Variants in KCNJ18 observed in about 807,000 individuals in gnomAD.
KCNJ18 encodes the protein inward rectifier potassium channel 18.
KCNJ18 carries 16 observed loss-of-function variants against 17.3 expected under a neutral mutation model. That is an observed-to-expected ratio of 0.92 (90% confidence interval 0.62 to 1.40). The LOEUF is 1.40. KCNJ18 is among the 40% of genes most tolerant of loss of function. The pLI, the probability that KCNJ18 is intolerant of heterozygous loss-of-function variation, is 0.00. For missense variants in KCNJ18, 462 were observed against 626.8 expected (o/e 0.74, Z 2.81); for synonymous variants, 185 against 262.6 (o/e 0.70, Z 2.86).
At chr17:21,695,645 C>A (rs1464828807) in intron 1 of KCNJ18, among the ~76,000 whole-genome samples, 8 of 152,298 alleles carry the variant, frequency 5.3e-5, no homozygotes, top group Non-Finnish European at 1.0e-4. Context: ...GGAATAGTAA[C>A]AACAATAGTT....
chr17:21,703,948 G>C lies in KCNJ18; in HGVS notation c.1162G>C (p.Glu388Gln). ...ENELAFLSRD[E>Q]EDEADGDQDG... ...CGAGCTGGCCTTCCTGAGCCGTGAC[G>C]AGGAGGATGAGGCGGACGGAGACCA... is the stretch of plus-strand genomic sequence containing the variant. The change falls in exon 3 of 3, where the codon GAG (glutamate) becomes CAG (glutamine). Residue 388 changes from glutamate to glutamine, a missense_variant. By Grantham distance (29) the Glu-to-Gln change is conservative. Around this residue, in one of 5 missense-constraint regions of KCNJ18, gnomAD observed 123 missense variants for 117.5 expected, o/e 1.05. Coordinates refer to ENST00000567955, the MANE Select transcript of KCNJ18 (RefSeq NM_001194958.2). 1.2e-6 allele frequency: 2 copies of C among 1,609,370 alleles called. No homozygotes were observed. Among genetic ancestry groups the C allele is most frequent in the Non-Finnish European group, 8.5e-7 (1 of 1,179,730 alleles).
At chr17:21,693,460 A>G (rs1418252430) in intron 1 of KCNJ18, among the ~76,000 whole-genome samples, 260 of 152,412 alleles carry the variant, frequency 1.7e-3, no homozygotes, top group Non-Finnish European at 2.9e-3. Flanking sequence ...TGCTGCCCAC[A>G]CTTCTGGCCC....
chr17:21,699,290 G>A (rs1291411736), intron 2 of KCNJ18, among the ~76,000 whole-genome samples: 2 of 152,230 alleles, frequency 1.3e-5, no homozygotes, highest in African/African-American at 4.8e-5. Context: ...CTTAAATTGC[G>A]ACCTTGAAGG....
chr17:21,703,654 A>G lies in KCNJ18; in HGVS notation c.868A>G (p.Thr290Ala). ...LFGISRQDLE[T>A]DDFEIVVILE... The stretch of plus-strand genomic sequence containing the variant: ...CGGCATCAGCCGGCAGGACCTGGAG[A>G]CGGACGACTTTGAGATCGTGGTCAT... The change falls in exon 3 of 3, where the codon ACG becomes GCG. Residue 290 changes from threonine (T) to alanine (A), a missense_variant. Transcript: ENST00000567955. 6.2e-7 allele frequency: 1 copy of G among 1,605,410 alleles called. No homozygotes were observed. The highest frequency in any genetic ancestry group is 1.7e-5 in the Admixed American group (1 of 59,598).
intron 2 of KCNJ18, among the ~76,000 whole-genome samples, chr17:21,700,032 T>G (rs1482148251): frequency 6.6e-6 from 1 of 152,282 alleles, no homozygotes; most frequent in Non-Finnish European, 1.5e-5. Flanking sequence ...CGGCCCTGGC[T>G]GCCTCCTTCT....
rs1165919163 is a variant in KCNJ18 at position 21,703,640 on chromosome 17, G to T, written c.854G>T (p.Arg285Leu). 2 of 1,609,590 alleles carry T rather than the reference G, an allele frequency of 1.2e-6. No individual in the cohort carries two copies. Among genetic ancestry groups the T allele is most frequent in the Non-Finnish European group, 8.5e-7 (1 of 1,177,148 alleles). ...GCCAGCCCGCTCTTCGGCATCAGCC[G>T]GCAGGACCTGGAGACGGACGACTTT... Reference protein sequence around the residue: ...DEASPLFGISRQDLETDDFEI... With the variant: ...DEASPLFGISLQDLETDDFEI... The change falls in exon 3 of 3, where the codon CGG becomes CTG. Residue 285 changes from arginine (R) to leucine (L), a missense_variant. Physicochemically the swap from Arg to Leu is moderately radical, Grantham distance 102 (BLOSUM62 -2). Transcript: ENST00000567955.
rs1348591599 is a variant in KCNJ18, at chr17:21,702,976, T to A, written c.190T>A (p.Ser64Thr). 1 of 1,601,522 alleles carries A rather than the reference T, an allele frequency of 6.2e-7. No homozygotes were observed. The highest frequency in any genetic ancestry group is 1.3e-5 in the African/African-American group (1 of 74,686). Residue 64 changes from serine to threonine, a missense_variant, in exon 3 of 3, where the codon TCA becomes ACA. By Grantham distance (58) the Ser-to-Thr change is moderately conservative. Transcript: ENST00000567955. Reference sequence around the variant, plus strand: ...TGCGTTCGCCAACATGGACGAGAAGTCACAGCGCTACCTGGCTGACATGTT... The same window carrying A: ...TGCGTTCGCCAACATGGACGAGAAGACACAGCGCTACCTGGCTGACATGTT... ...NIAFANMDEKSQRYLADMFTT... is the reference protein window; with the variant it reads ...NIAFANMDEKTQRYLADMFTT...
At chr17:21,698,122 C>T (rs1295490476) in intron 2 of KCNJ18, among the ~76,000 whole-genome samples, 3 of 151,582 alleles carry the variant, frequency 2.0e-5, no homozygotes, top group Non-Finnish European at 4.4e-5. Flanking sequence ...TCATCACCAC[C>T]TGGGATTGCA....
intron 1 of KCNJ18, among the ~76,000 whole-genome samples, chr17:21,695,149 A>G (rs1905720508): frequency 6.6e-6 from 1 of 152,252 alleles, no homozygotes; most frequent in African/African-American, 2.4e-5. Context: ...CCAATCATCT[A>G]CTTTCACACT....
At chr17:21,701,431 C>G (rs1221743578) in intron 2 of KCNJ18, among the ~76,000 whole-genome samples, 1 of 152,278 alleles carries the variant, frequency 6.6e-6, no homozygotes, top group African/African-American at 2.4e-5. Flanking sequence ...TGGGGAGGGC[C>G]CTCGGCTGAG....
chr17:21,701,284 C>T (rs1219725109), intron 2 of KCNJ18, among the ~76,000 whole-genome samples: 2 of 152,300 alleles, frequency 1.3e-5, no homozygotes, highest in African/African-American at 2.4e-5. Flanking sequence ...CCTGAATGTG[C>T]AGTAGGCTGG....
At chr17:21,693,409 C>T (rs1905662402) in intron 1 of KCNJ18, among the ~76,000 whole-genome samples, 2 of 152,308 alleles carry the variant, frequency 1.3e-5, no homozygotes, top group African/African-American at 4.8e-5. Flanking sequence ...GTTGGGAGAG[C>T]CTGGTGCAAG....
rs1207243409 is a variant in KCNJ18, at chr17:21,702,873, C to A, written c.87C>A (p.Asn29Lys). The change falls in exon 3 of 3, where the codon AAC becomes AAA. Residue 29 changes from asparagine to lysine, a missense_variant. Around this residue, in one of 5 missense-constraint regions of KCNJ18, gnomAD observed 237 missense variants for 259.4 expected, o/e 0.91. Transcript: ENST00000567955. Reference sequence around the variant, plus strand: ...ACCTGGTCACCATGTCGGGCGCCAACGGCTTCGGCAACGGCAAGGTGCACA... The same window carrying A: ...ACCTGGTCACCATGTCGGGCGCCAAAGGCTTCGGCAACGGCAAGGTGCACA... ...GLHLVTMSGA[N>K]GFGNGKVHTR... is the part of the protein sequence containing the mutation. 8.7e-5 allele frequency: 139 copies of A among 1,594,962 alleles called. No homozygotes were observed. In the African/African-American group the frequency reaches 1.6e-3, roughly 18 times the overall value.
chr17:21,702,918 C>A lies in KCNJ18; in HGVS notation c.132C>A (p.Asn44Lys). 6.3e-7 allele frequency: 1 copy of A among 1,593,266 alleles called. No homozygotes were observed. The highest frequency in any genetic ancestry group is 1.1e-5 in the South Asian group (1 of 88,508). The change falls in exon 3 of 3, where the codon AAC becomes AAA. Residue 44 changes from asparagine to lysine, a missense_variant. Around this residue, in one of 5 missense-constraint regions of KCNJ18, gnomAD observed 237 missense variants for 259.4 expected, o/e 0.91. Coordinates refer to ENST00000567955, the MANE Select transcript of KCNJ18 (RefSeq NM_001194958.2). ...GKVHTRRRCRNRFVKKNGQCN... is the reference protein window; with the variant it reads ...GKVHTRRRCRKRFVKKNGQCN... ...TGCACACGCGGCGCAGGTGCCGCAA[C>A]CGCTTCGTCAAGAAGAATGGCCAGT...
At chr17:21,702,377 T>C (rs1489780257) in intron 2 of KCNJ18, among the ~76,000 whole-genome samples, 1 of 151,956 alleles carries the variant, frequency 6.6e-6, no homozygotes, top group Non-Finnish European at 1.5e-5. Flanking sequence ...TGGGGGGCCA[T>C]CGGCAGAGGC....
chr17:21,694,491 C>T (rs1180523925), intron 1 of KCNJ18, among the ~76,000 whole-genome samples: 46 of 152,136 alleles, frequency 3.0e-4, no homozygotes, highest in Non-Finnish European at 3.4e-4. Flanking sequence ...ATGTGCCCAC[C>T]TGCTCATCCA....
chr17:21,701,569 A>G (rs1905952569), intron 2 of KCNJ18, among the ~76,000 whole-genome samples: 2 of 152,182 alleles, frequency 1.3e-5, no homozygotes, highest in Non-Finnish European at 2.9e-5. Context: ...GGGGTGTTCA[A>G]AGTGGGTGGC....
At chr17:21,700,167 A>G (rs1905905387) in intron 2 of KCNJ18, among the ~76,000 whole-genome samples, 2 of 151,792 alleles carry the variant, frequency 1.3e-5, no homozygotes, top group African/African-American at 4.8e-5. Flanking sequence ...CCTGCGTCCC[A>G]GCTCCTCAGC....
intron 1 of KCNJ18, among the ~76,000 whole-genome samples, chr17:21,695,129 A>G (rs1410860116): frequency 6.6e-6 from 1 of 152,164 alleles, no homozygotes; most frequent in Non-Finnish European, 1.5e-5. Flanking sequence ...CCTTCTGTTC[A>G]TCCATCCATC....
Sources: gnomAD v4.1 joint callset for allele counts (sites outside exome capture counted in the v4.1 genomes callset) on GRCh38, gnomAD v4.1.1 for gene constraint, gnomAD v4.1.1 regional missense constraint, MANE v1.5 for transcripts, NCBI Gene and HGNC (gene_info 2026-07-23, HGNC 2026-07-21) for gene names.